The following NRXN1 variants were observed in gnomAD, a reference collection of about 807,000 sequenced individuals.
NRXN1 encodes neurexin 1.
In NRXN1, 39 loss-of-function variants were observed where a neutral mutation model predicts 150.9. The ratio of observed to expected loss-of-function variants is 0.26; its 90% CI spans 0.20 to 0.34. NRXN1 has a LOEUF of 0.34. Among genes scored for constraint, NRXN1 ranks in the 10% least tolerant of loss-of-function variants. The probability of loss-of-function intolerance (pLI) is 1.00; values close to 1 mark genes in which losing one functional copy is unlikely to be tolerated. For missense variants in NRXN1, 1,815 were observed against 1,949.9 expected (o/e 0.93, Z 1.30); for synonymous variants, 924 against 757.0 (o/e 1.22, Z -3.62).
In NRXN1 at chr2:50,269,626, AAT is replaced by A. The variant is rs371691488; in HGVS notation, c.3365-32658_3365-32657del. Among the ~76,000 whole-genome samples, 1,020 of 152,356 alleles carry A rather than the reference AAT, an allele frequency of 6.7e-3. 8 individuals are homozygous for A. The highest frequency in any genetic ancestry group is 0.011 in the Non-Finnish European group (758 of 68,028). On this transcript the variant is annotated intron_variant, in intron 17 of 22. Coordinates refer to ENST00000401669, the MANE Select transcript of NRXN1 (RefSeq NM_001330078.2). The stretch of plus-strand genomic sequence containing the variant: ...ATAGCTAGAAGTTAAGTCCAGTAAA[AAT>A]ATGTTTTTAAAAAGAAAGACACTAC...
At chr2:49,965,130 T>A (rs955500124) in intron 21 of NRXN1, among the ~76,000 whole-genome samples, 2 of 152,028 alleles carry the variant, frequency 1.3e-5, no homozygotes, top group African/African-American at 4.8e-5. Flanking sequence ...TCCACCTGCC[T>A]TGGCCTCCCA....
chr2:50,859,950 C>A (rs1256674693), intron 5 of NRXN1, among the ~76,000 whole-genome samples: 1 of 151,492 alleles, frequency 6.6e-6, no homozygotes, highest in Non-Finnish European at 1.5e-5. Context: ...TTTATAAATT[C>A]AAAATTTGGA....
At chr2:50,332,179 A>G (rs767015567) in intron 17 of NRXN1, among the ~76,000 whole-genome samples, 1 of 152,212 alleles carries the variant, frequency 6.6e-6, no homozygotes, top group Non-Finnish European at 1.5e-5. Context: ...CAGGCAATTT[A>G]TTATAGCTTG....
chr2:50,978,519 T>C (rs2104857165), intron 2 of NRXN1, among the ~76,000 whole-genome samples: 1 of 151,628 alleles, frequency 6.6e-6, no homozygotes, highest in Non-Finnish European at 1.5e-5. Flanking sequence ...CTAATCCCTT[T>C]CCTTCCAACT....
chr2:50,447,544 TCATATATATATA>T (rs1171591206), intron 17 of NRXN1, among the ~76,000 whole-genome samples: 1 of 144,352 alleles, frequency 6.9e-6, no homozygotes, highest in African/African-American at 2.6e-5. Flanking sequence ...GAAATCAAAT[TCATATATATATA>T]CATATATATA....
At chr2:50,282,968 T>G (rs1179874283) in intron 17 of NRXN1, among the ~76,000 whole-genome samples, 1 of 152,162 alleles carries the variant, frequency 6.6e-6, no homozygotes, top group East Asian at 1.9e-4. Flanking sequence ...CATGGATACT[T>G]GCTTAAACTC....
intron 17 of NRXN1, among the ~76,000 whole-genome samples, chr2:50,246,120 C>T (rs534941300): frequency 7.4e-4 from 113 of 152,054 alleles, no homozygotes; most frequent in East Asian, 1.5e-3. Flanking sequence ...TTTTTAGAGT[C>T]TATCCTGAAT....
chr2:49,942,252 A>G (rs933412666), intron 22 of NRXN1, among the ~76,000 whole-genome samples: 1 of 152,072 alleles, frequency 6.6e-6, no homozygotes, highest in African/African-American at 2.4e-5. Context: ...GGACCAGAGC[A>G]TACCCAGCCT....
intron 17 of NRXN1, among the ~76,000 whole-genome samples, chr2:50,311,521 A>G (rs184007980): frequency 6.6e-6 from 1 of 152,120 alleles, no homozygotes; most frequent in Non-Finnish European, 1.5e-5. Context: ...TGAATTCTAG[A>G]CAGCAACTTG....
At chr2:50,012,189 C>CA (rs1337670692) in intron 21 of NRXN1, among the ~76,000 whole-genome samples, 1 of 152,002 alleles carries the variant, frequency 6.6e-6, no homozygotes, top group African/African-American at 2.4e-5. Context: ...GAAAACAAAC[C>CA]ATCCATGTCT....
intron 2 of NRXN1, among the ~76,000 whole-genome samples, chr2:50,990,708 G>T (rs1378940914): frequency 6.6e-6 from 1 of 151,846 alleles, no homozygotes; most frequent in African/African-American, 2.4e-5. Flanking sequence ...TATGATTTTT[G>T]TTCTCCCAAC....
Position 51,027,946 on chromosome 2 carries a change from T to C in NRXN1, c.328A>G (p.Asn110Asp), listed in dbSNP as rs2105331686. The C allele has an allele frequency of 6.2e-7, 1 of 1,603,864 alleles. No homozygotes were observed. Reference sequence around the variant, plus strand: ...CGCACGCTGTGCCAGGCGCCGTCGTTAACCGGCGTGTCGGCCAGGAGCGTC... The same window carrying C: ...CGCACGCTGTGCCAGGCGCCGTCGTCAACCGGCGTGTCGGCCAGGAGCGTC... Reference protein sequence around the residue: ...PATLLADTPVNDGAWHSVRIR... With the variant: ...PATLLADTPVDDGAWHSVRIR... Residue 110 changes from asparagine (N) to aspartate (D), a missense_variant, in exon 2 of 23, where the codon AAC becomes GAC. By Grantham distance (23) the Asn-to-Asp change is conservative. Coordinates refer to ENST00000401669, the MANE Select transcript of NRXN1 (RefSeq NM_001330078.2).
chr2:50,315,111 G>A (rs1033970179), intron 17 of NRXN1, among the ~76,000 whole-genome samples: 2 of 151,792 alleles, frequency 1.3e-5, no homozygotes, highest in Non-Finnish European at 2.9e-5. Flanking sequence ...AAGCCATAAC[G>A]ACCACAATAA....
At chr2:50,337,549 G>A (rs1449101044) in intron 17 of NRXN1, among the ~76,000 whole-genome samples, 2 of 152,144 alleles carry the variant, frequency 1.3e-5, no homozygotes, top group East Asian at 1.9e-4. Context: ...AGGATTAAAT[G>A]AATCAATATT....
At position 51,027,791 on chromosome 2, in the gene NRXN1, T is replaced by C; in HGVS notation, c.483A>G (p.Glu161=). The change falls in exon 2 of 23, where the codon GAA becomes GAG. Residue 161 remains glutamate (E), a synonymous_variant. Coordinates refer to ENST00000401669, the MANE Select transcript of NRXN1 (RefSeq NM_001330078.2). The part of the protein sequence containing the change: ...SGLFVGGLPP[E]LRAAALKLTL... ...TGAGCTTGAGCGCCGCGGCGCGCAGTTCCGGGGGCAGCCCCCCGACGAAAA... is the reference window on the plus strand; with the variant it reads ...TGAGCTTGAGCGCCGCGGCGCGCAGCTCCGGGGGCAGCCCCCCGACGAAAA... 2.5e-6 allele frequency: 4 copies of C among 1,612,796 alleles called. No individual in the cohort carries two copies. The highest frequency in any genetic ancestry group is 2.5e-6 in the Non-Finnish European group (3 of 1,179,506).
In NRXN1 at chr2:49,981,556, G is replaced by A. The variant is rs190632478; in HGVS notation, c.4129-37765C>T. 1.3e-3 allele frequency among the ~76,000 whole-genome samples: 198 copies of A among 151,982 alleles called. 1 individual carries two copies. The highest frequency in any genetic ancestry group is 3.6e-3 in the Admixed American group (55 of 15,252). Reference sequence around the variant, plus strand: ...AATCCTCTTCCCCCCCACTTTTCCCGCTCTTGATAATGACCCAAGCAATAA... The same window carrying A: ...AATCCTCTTCCCCCCCACTTTTCCCACTCTTGATAATGACCCAAGCAATAA... On this transcript the variant is annotated intron_variant, in intron 21 of 22. Coordinates refer to ENST00000401669, the MANE Select transcript of NRXN1 (RefSeq NM_001330078.2).
At chr2:50,237,064 T>A in intron 17 of NRXN1, 94 bp from the exon 18 acceptor site, 3 of 1,190,308 alleles carry the variant, frequency 2.5e-6, no homozygotes, top group Non-Finnish European at 3.7e-6. Flanking sequence ...AAGTATCAAC[T>A]CTACACACAA....
intron 21 of NRXN1, among the ~76,000 whole-genome samples, chr2:49,955,617 T>C (rs1426482614): frequency 6.6e-6 from 1 of 152,038 alleles, no homozygotes; most frequent in Admixed American, 6.6e-5. Context: ...TTGGGTTTTT[T>C]TTTTACCTAC....
intron 18 of NRXN1, among the ~76,000 whole-genome samples, chr2:50,163,027 G>A (rs1350789557): frequency 2.0e-5 from 3 of 151,448 alleles, no homozygotes; most frequent in Non-Finnish European, 4.4e-5. Context: ...AGATATTCTT[G>A]TAAGACAAAT....
Sources: allele counts gnomAD v4.1 joint callset (sites outside exome capture counted in the v4.1 genomes callset), GRCh38; gene constraint gnomAD v4.1.1; transcripts MANE v1.5; gene names NCBI Gene and HGNC (gene_info 2026-07-23, HGNC 2026-07-21).